Variants in EIF3J observed in about 807,000 individuals in gnomAD.
EIF3J encodes eukaryotic translation initiation factor 3, subunit 1 (alpha, 35kD).
Under a neutral mutation model 39.0 loss-of-function variants are expected in EIF3J, and 15 were observed. The observed-to-expected ratio is 0.38, with a 90% CI of 0.26 to 0.59. The LOEUF (loss-of-function observed/expected upper bound fraction) is 0.59. Ranked by LOEUF, EIF3J falls within the 20% of genes least tolerant of loss-of-function variation. The pLI is 0.60. For synonymous variants in EIF3J, 98 were observed against 112.9 expected, an observed-to-expected ratio of 0.87 and a Z score of 0.84; for missense variants, 226 against 308.6, an observed-to-expected ratio of 0.73 and a Z score of 2.00.
At chr15:44,560,645 G>A in intron 7 of EIF3J, 1 of 345,158 alleles carries the variant, frequency 2.9e-6, no homozygotes. Context: ...TACTCACTTT[G>A]CAGAGTATTT....
At chr15:44,538,951 G>A (rs117610107) in intron 2 of EIF3J, among the ~76,000 whole-genome samples, 4,070 of 152,048 alleles carry the variant, frequency 0.027, 91 homozygotes, top group East Asian at 0.097. Flanking sequence ...TTAATGGATA[G>A]TCTAGACTAA....
chr15:44,540,966 T>G (rs1405488496), intron 2 of EIF3J, among the ~76,000 whole-genome samples: 1 of 152,204 alleles, frequency 6.6e-6, no homozygotes, highest in East Asian at 1.9e-4. Flanking sequence ...GACTTAGTAT[T>G]TTGCTGTCCT....
chr15:44,540,269 T>TGTA (rs1567115256), intron 2 of EIF3J, among the ~76,000 whole-genome samples: 4 of 38,088 alleles, frequency 1.1e-4, no homozygotes, highest in African/African-American at 3.7e-4. Flanking sequence ...ATATATATAT[T>TGTA]TTTTTTTTTT....
intron 5 of EIF3J, among the ~76,000 whole-genome samples, chr15:44,556,157 T>A (rs756957745): frequency 6.6e-6 from 1 of 152,124 alleles, no homozygotes; most frequent in Admixed American, 6.5e-5. Context: ...TGAGCCACCA[T>A]GCACAGCCTA....
chr15:44,562,235 T>TA lies in EIF3J; in HGVS notation c.*1086_*1087insA, dbSNP rs769724824. ...ATGAGTGATTTGCCAGGTCCTTATG[T>TA]TGTCACCATAGAGCAACAAAGGTAT... On this transcript the variant is annotated 3_prime_UTR_variant, in exon 8 of 8. Coordinates refer to ENST00000261868, the MANE Select transcript of EIF3J (RefSeq NM_003758.4). 6.6e-5 allele frequency: 10 copies of TA among 152,614 alleles called. No homozygotes were observed. Among genetic ancestry groups the TA allele is most frequent in the Non-Finnish European group, 1.5e-4 (10 of 68,024 alleles). 9.5% of individuals were successfully genotyped at this position (152,614 alleles called of 1,614,324 possible).
chr15:44,550,881 C>G lies in EIF3J; in HGVS notation c.153C>G (p.Asn51Lys). The G allele has an allele frequency of 6.3e-7, 1 of 1,597,716 alleles. No homozygotes were observed. Among genetic ancestry groups the G allele is most frequent in the Non-Finnish European group, 8.6e-7 (1 of 1,167,056 alleles). Residue 51 changes from asparagine to lysine, a missense_variant, in exon 3 of 8, where the codon AAC (asparagine) becomes AAG (lysine). By Grantham distance (94) the Asn-to-Lys change is moderately conservative (BLOSUM62 0). Around this residue, in one of 2 missense-constraint regions of EIF3J, gnomAD observed 143 missense variants for 156.0 expected, o/e 0.92. Transcript: ENST00000261868. The stretch of plus-strand genomic sequence containing the variant: ...ATGGAAGTCCTTTTCTTTAGGATAA[C>G]TGGGATGACGATGATGATGAAAAAA... ...GEDEDEDVKD[N>K]WDDDDDEKKE...
intron 4 of EIF3J, among the ~76,000 whole-genome samples, chr15:44,554,079 A>G (rs992598783): frequency 3.9e-5 from 6 of 152,070 alleles, no homozygotes; most frequent in African/African-American, 1.4e-4. Context: ...AAATTGGGTT[A>G]AGGATACCTA....
intron 6 of EIF3J, chr15:44,559,042 T>G (rs2082168135): frequency 6.6e-6 from 1 of 152,036 alleles, no homozygotes; most frequent in Admixed American, 6.6e-5. Context: ...CTGTTCTCAT[T>G]GTAGTTCCCG....
At chr15:44,552,815 C>T (rs1161601830) in intron 4 of EIF3J, among the ~76,000 whole-genome samples, 1 of 152,234 alleles carries the variant, frequency 6.6e-6, no homozygotes, top group East Asian at 1.9e-4. Context: ...CCGCCTTGGC[C>T]TCCCAGAGTG....
At chr15:44,560,759 T>TAA (rs2140904656) in intron 7 of EIF3J, among the ~76,000 whole-genome samples, 1 of 152,306 alleles carries the variant, frequency 6.6e-6, no homozygotes, top group East Asian at 1.9e-4. Context: ...TCAGTGAAGT[T>TAA]AAGGCTGTCT....
intron 6 of EIF3J, 29 bp downstream of exon 6, chr15:44,557,679 G>C: frequency 7.1e-7 from 1 of 1,401,704 alleles, no homozygotes; most frequent in Non-Finnish European, 9.3e-7. Flanking sequence ...TAGCCCCTCT[G>C]GGTAGATTTT....
chr15:44,545,588 T>C (rs2082046778), intron 2 of EIF3J, among the ~76,000 whole-genome samples: 1 of 152,240 alleles, frequency 6.6e-6, no homozygotes, highest in Non-Finnish European at 1.5e-5. Flanking sequence ...GTTTTTATAA[T>C]TGGCAAATAA....
chr15:44,557,601 A>G lies in EIF3J; in HGVS notation c.522A>G (p.Leu174=), dbSNP rs887226180. ...AAATTACACAATATGAAAAGTCACT[A>G]TATTATGCCAGTTTTTTGGAAGTCT... ...KDKITQYEKS[L]YYASFLEVLV... The change falls in exon 6 of 8, where the codon CTA becomes CTG. Residue 174 remains leucine, a synonymous_variant. Coordinates refer to ENST00000261868, the MANE Select transcript of EIF3J (RefSeq NM_003758.4). 2.4e-5 allele frequency: 37 copies of G among 1,531,832 alleles called. No homozygotes were observed. Among genetic ancestry groups the G allele is most frequent in the Non-Finnish European group, 3.2e-5 (37 of 1,139,914 alleles). The allele number at this position is 1,531,832 out of a possible 1,614,324, so 94.9% of individuals were successfully genotyped here.
Position 44,537,511 on chromosome 15 carries a change from G to A in EIF3J, c.147+84G>A, listed in dbSNP as rs911077586. On this transcript the variant is annotated intron_variant, in intron 2 of 7. Transcript: ENST00000261868. ...ACTCTGGGCCCCGGGTCGCTGCCGG[G>A]GCCTGCGGGCCGTGGGTCCAGGCGC... 2.4e-5 allele frequency: 32 copies of A among 1,360,344 alleles called. 1 individual carries two copies. Among genetic ancestry groups the A allele is most frequent in the Admixed American group, 1.0e-4 (3 of 29,372 alleles). 84.3% of individuals were successfully genotyped at this position (1,360,344 alleles called of 1,614,324 possible).
chr15:44,553,360 C>T (rs1452901864), intron 4 of EIF3J, among the ~76,000 whole-genome samples: 5 of 151,820 alleles, frequency 3.3e-5, no homozygotes, highest in African/African-American at 7.3e-5. Flanking sequence ...GGCGTGGTGG[C>T]GGGCGCCTGT....
At position 44,554,750 on chromosome 15, in the gene EIF3J, TAAAAG is replaced by T. The variant is rs1337662202; in HGVS notation, c.409+87_409+91del. ...AAGTTCAGAAAACATCTCCTTTTCT[TAAAAG>T]AAACATACTGGCTAATGTAGATATT... On this transcript the variant is annotated intron_variant, in intron 5 of 7. Transcript: ENST00000261868. 20 of 803,450 alleles carry T rather than the reference TAAAAG, an allele frequency of 2.5e-5. 1 individual carries two copies. The Admixed American group carries it at 2.6e-4, about 10-fold the overall frequency. 49.8% of individuals were successfully genotyped at this position (803,450 alleles called of 1,614,324 possible).
intron 6 of EIF3J, 113 bp from the exon 7 acceptor site, chr15:44,560,136 T>C (rs2082179486): frequency 2.5e-6 from 2 of 797,930 alleles, no homozygotes; most frequent in South Asian, 3.9e-5. Context: ...TCATAACACT[T>C]TTGGAATGTA....
chr15:44,559,404 C>CT (rs2082172247), intron 6 of EIF3J, among the ~76,000 whole-genome samples: 1 of 141,290 alleles, frequency 7.1e-6, no homozygotes, highest in Non-Finnish European at 1.5e-5. Context: ...AAGCGAGACT[C>CT]TGTCTCAAAA....
rs528985889 is a variant in EIF3J at position 44,542,737 on chromosome 15, G to GT, written c.147+5311dup. On this transcript the variant is annotated intron_variant, in intron 2 of 7. Transcript: ENST00000261868. Reference sequence around the variant, plus strand: ...TAGAAATAGCTTAAATGATGGGTGTGTATCTGCAGGGCAAGAGTATAGATA... The same window carrying GT: ...TAGAAATAGCTTAAATGATGGGTGTGTTATCTGCAGGGCAAGAGTATAGATA... 7.9e-5 allele frequency among the ~76,000 whole-genome samples: 12 copies of GT among 152,350 alleles called. No individual in the cohort carries two copies. The East Asian group carries it at 2.1e-3, about 27-fold the overall frequency.
Sources: allele counts gnomAD v4.1 joint callset (sites outside exome capture counted in the v4.1 genomes callset), GRCh38; gene constraint gnomAD v4.1.1; regional missense constraint gnomAD v4.1.1; transcripts MANE v1.5; gene names NCBI Gene and HGNC (gene_info 2026-07-23, HGNC 2026-07-21).